The following POLE2 variants were observed in gnomAD, a reference collection of about 807,000 sequenced individuals.
POLE2 encodes the protein DNA polymerase epsilon 2, accessory subunit.
POLE2 carries 56 observed loss-of-function variants against 79.4 expected under a neutral mutation model. The ratio of observed to expected loss-of-function variants is 0.71; its 90% confidence interval spans 0.57 to 0.88. POLE2 has a LOEUF of 0.88. POLE2 is among the 40% of genes least tolerant of loss of function. The pLI, the probability that POLE2 is intolerant of heterozygous loss-of-function variation, is 0.00. For missense variants in POLE2, 598 were observed against 638.9 expected (o/e 0.94, Z 0.69); for synonymous variants, 212 against 214.0 (o/e 0.99, Z 0.08).
rs775376287 is a variant in POLE2 at position 49,664,691 on chromosome 14, G to A, written c.634-17C>T. The stretch of plus-strand genomic sequence containing the variant: ...ATGGAACTGGTACACAACAGTTGAG[G>A]AAAATAATTCTATTCTTGAGGCAGT... On this transcript the variant is annotated splice_polypyrimidine_tract_variant and intron_variant, in intron 8 of 18. Transcript: ENST00000216367. The A allele has an allele frequency of 4.6e-6, 7 of 1,518,828 alleles. No homozygotes were observed. The highest frequency in any genetic ancestry group is 6.4e-6 in the Non-Finnish European group (7 of 1,094,924). The allele number at this position is 1,518,828 out of a possible 1,614,324, so 94.1% of individuals were successfully genotyped here.
intron 5 of POLE2, among the ~76,000 whole-genome samples, chr14:49,673,739 C>T (rs1255511659): frequency 2.0e-5 from 3 of 152,130 alleles, no homozygotes; most frequent in East Asian, 1.9e-4. Context: ...TTACTATATA[C>T]GATCTATGGG....
rs761047090 is a variant in POLE2 at position 49,654,046 on chromosome 14, G to A, written c.1155C>T (p.Ile385=). The A allele has an allele frequency of 6.2e-7, 1 of 1,600,614 alleles. No homozygotes were observed. Among genetic ancestry groups the A allele is most frequent in the Non-Finnish European group, 8.6e-7 (1 of 1,168,126 alleles). Residue 385 remains isoleucine, a synonymous_variant, in exon 15 of 19, where the codon ATC becomes ATT. Coordinates refer to ENST00000216367, the MANE Select transcript of POLE2 (RefSeq NM_002692.4). The stretch of plus-strand genomic sequence containing the variant: ...GTACCCTTTGTCTGAATTCATTAGT[G>A]ATGCTTTCAGCAAGTGGTGGCCTAT... The part of the protein sequence containing the change: ...ILPRPPLAES[I]TNEFRQRVPF...
intron 17 of POLE2, among the ~76,000 whole-genome samples, chr14:49,649,829 A>G (rs1193318658): frequency 6.6e-6 from 1 of 152,246 alleles, no homozygotes; most frequent in Non-Finnish European, 1.5e-5. Flanking sequence ...CATAAAATTA[A>G]GTAATAAAAT....
At chr14:49,685,781 G>A (rs1173621771) in intron 1 of POLE2, among the ~76,000 whole-genome samples, 1 of 150,392 alleles carries the variant, frequency 6.6e-6, no homozygotes, top group Non-Finnish European at 1.5e-5. Flanking sequence ...ACCACGTCTG[G>A]CTGGTTGGTT....
chr14:49,678,715 G>A (rs1201426723), intron 3 of POLE2, among the ~76,000 whole-genome samples: 1 of 152,066 alleles, frequency 6.6e-6, no homozygotes, highest in Non-Finnish European at 1.5e-5. Flanking sequence ...AGAGTGCAGT[G>A]GTATGATCTC....
intron 6 of POLE2, among the ~76,000 whole-genome samples, chr14:49,667,585 T>C (rs1010515859): frequency 1.3e-5 from 2 of 150,414 alleles, no homozygotes; most frequent in African/African-American, 2.5e-5. Context: ...GGGTTTCACA[T>C]TGCCCAGGCT....
chr14:49,674,350 GGAA>G lies in POLE2; in HGVS notation c.320_322del (p.Leu107del). The G allele has an allele frequency of 6.3e-7, 1 of 1,591,414 alleles. No individual in the cohort carries two copies. ...TAAAATCAGTGGATGACATACTTAC[GGAA>G]GAAATTTTTTTCTTTCTGAATTGTA... On this transcript the variant is annotated inframe_deletion and splice_region_variant, in exon 4 of 19. Transcript: ENST00000216367.
chr14:49,654,003 T>C lies in POLE2; in HGVS notation c.1198A>G (p.Thr400Ala), dbSNP rs1480859209. The change falls in exon 15 of 19, where the codon ACT (threonine) becomes GCT (alanine). Residue 400 changes from threonine (T) to alanine (A), a missense_variant. Thr to Ala is a moderately conservative substitution (Grantham distance 58). Transcript: ENST00000216367. ...RQRVPFSVFT[T>A]NPCRIQYCTQ... is the part of the protein sequence containing the mutation. ...ACTAATTCTTACCTGCAAGGATTAG[T>C]AGTAAAAACTGAAAATGGTACCCTT... 5.1e-6 allele frequency: 8 copies of C among 1,562,586 alleles called. No homozygotes were observed. The highest frequency in any genetic ancestry group is 1.4e-5 in the African/African-American group (1 of 73,886).
At chr14:49,686,642 C>T (rs1235933581) in intron 1 of POLE2, among the ~76,000 whole-genome samples, 3 of 152,196 alleles carry the variant, frequency 2.0e-5, no homozygotes, top group Admixed American at 6.5e-5. Context: ...AATACATTAT[C>T]TGCCCCCTAC....
Position 49,683,633 on chromosome 14 carries a change from A to G in POLE2, c.129T>C (p.Asp43=). The part of the protein sequence containing the change: ...LQSISELELE[D]KLEKIINAVE... ...CTGCATTAATTATCTTTTCCAGTTT[A>G]TCTTCAAGCTCTAATTCACTGATAG... Residue 43 remains aspartate (D), a synonymous_variant, in exon 2 of 19, where the codon GAT becomes GAC. Transcript: ENST00000216367. 6.3e-7 allele frequency: 1 copy of G among 1,595,628 alleles called. No individual in the cohort carries two copies. The highest frequency in any genetic ancestry group is 8.6e-7 in the Non-Finnish European group (1 of 1,164,756).
chr14:49,651,728 G>C (rs1236788617), intron 15 of POLE2, among the ~76,000 whole-genome samples: 1 of 152,162 alleles, frequency 6.6e-6, no homozygotes, highest in Non-Finnish European at 1.5e-5. Context: ...AAGAGGGACA[G>C]CATATGTGGT....
In POLE2 at chr14:49,669,541, T is replaced by G; in HGVS notation, c.475A>C (p.Ser159Arg). The G allele has an allele frequency of 1.3e-6, 2 of 1,589,420 alleles. No individual in the cohort carries two copies. Among genetic ancestry groups the G allele is most frequent in the Non-Finnish European group, 1.7e-6 (2 of 1,157,620 alleles). ...PPVIGSHPDE[S>R]GSKFQLKTIE... is the part of the protein sequence containing the mutation. ...GTTCTAACCTGGAATTTGCTTCCGC[T>G]TTCATCAGGGTGAGAACCTATCACC... The change falls in exon 6 of 19, where the codon AGC (serine) becomes CGC (arginine). Residue 159 changes from serine to arginine, a missense_variant. Physicochemically the swap from Ser to Arg is moderately radical, Grantham distance 110 (BLOSUM62 -1). Coordinates refer to ENST00000216367, the MANE Select transcript of POLE2 (RefSeq NM_002692.4).
chr14:49,654,483 C>G (rs1884505220), intron 13 of POLE2: 1 of 455,088 alleles, frequency 2.2e-6, no homozygotes, highest in Admixed American at 4.1e-5. Flanking sequence ...TTTAATTAAA[C>G]TTAGATTTAA....
chr14:49,682,910 G>A (rs1158158913), intron 2 of POLE2, among the ~76,000 whole-genome samples: 1 of 151,310 alleles, frequency 6.6e-6, no homozygotes, highest in Admixed American at 6.6e-5. Context: ...CAAACATTTA[G>A]GAGTTAATGA....
At chr14:49,665,605 T>C (rs1444603137) in intron 7 of POLE2, among the ~76,000 whole-genome samples, 1 of 152,074 alleles carries the variant, frequency 6.6e-6, no homozygotes, top group Non-Finnish European at 1.5e-5. Context: ...TCTGTCCTGA[T>C]GTCTTCTCAG....
chr14:49,661,685 C>G (rs1052156809), intron 10 of POLE2, among the ~76,000 whole-genome samples: 78 of 152,274 alleles, frequency 5.1e-4, no homozygotes, highest in African/African-American at 1.8e-3. Context: ...ATAAAACATA[C>G]TCACTAAAAT....
At chr14:49,685,089 T>C (rs900859333) in intron 1 of POLE2, among the ~76,000 whole-genome samples, 18 of 152,228 alleles carry the variant, frequency 1.2e-4, no homozygotes, top group African/African-American at 4.1e-4. Context: ...TCTGTATTTG[T>C]AGCACACTTT....
At chr14:49,673,958 T>G (rs1304742691) in intron 5 of POLE2, among the ~76,000 whole-genome samples, 165 bp downstream of exon 5, 1 of 152,220 alleles carries the variant, frequency 6.6e-6, no homozygotes, top group Non-Finnish European at 1.5e-5. Flanking sequence ...CTGTATCTTC[T>G]ACACAGTCTC....
intron 3 of POLE2, chr14:49,677,371 G>T: frequency 2.0e-6 from 1 of 502,252 alleles, no homozygotes. Flanking sequence ...CTCCTGCTGG[G>T]TATCTACAGC....
Sources: gnomAD v4.1 joint callset for allele counts (sites outside exome capture counted in the v4.1 genomes callset) on GRCh38, gnomAD v4.1.1 for gene constraint, MANE v1.5 for transcripts, NCBI Gene and HGNC (gene_info 2026-07-23, HGNC 2026-07-21) for gene names.